The following PRUNE2 variants were observed in gnomAD, a reference collection of about 807,000 sequenced individuals.
PRUNE2 encodes the protein protein prune homolog 2.
Under a neutral mutation model 252.0 loss-of-function variants are expected in PRUNE2, and 164 were observed. That is an observed-to-expected ratio of 0.65 (90% CI 0.57 to 0.74). The LOEUF is 0.74. Ranked by LOEUF, PRUNE2 falls within the 30% of genes least tolerant of loss-of-function variation. The pLI is 0.00. For missense variants in PRUNE2, 3,495 were observed against 3,711.0 expected, an observed-to-expected ratio of 0.94 and a Z score of 1.51; for synonymous variants, 1,292 against 1,350.2, an observed-to-expected ratio of 0.96 and a Z score of 0.94.
intron 15 of PRUNE2, among the ~76,000 whole-genome samples, chr9:76,631,127 G>A (rs1323308325): frequency 1.3e-5 from 2 of 152,098 alleles, no homozygotes; most frequent in African/African-American, 2.4e-5. Context: ...ATAAGTCTTG[G>A]GTCAACACAC....
At chr9:76,888,413 C>A (rs1179534906) in intron 1 of PRUNE2, among the ~76,000 whole-genome samples, 4 of 152,026 alleles carry the variant, frequency 2.6e-5, no homozygotes, top group Non-Finnish European at 5.9e-5. Context: ...CTTGTCTTTA[C>A]TAAAAATACA....
intron 1 of PRUNE2, among the ~76,000 whole-genome samples, chr9:76,894,594 G>C (rs1202834837): frequency 1.7e-4 from 26 of 152,058 alleles, no homozygotes; most frequent in Admixed American, 1.7e-3. Flanking sequence ...ATGTGTCTGA[G>C]GAATGTAAAG....
intron 6 of PRUNE2, among the ~76,000 whole-genome samples, chr9:76,765,988 C>T (rs1160691501): frequency 1.3e-5 from 2 of 151,982 alleles, no homozygotes; most frequent in African/African-American, 4.8e-5. Flanking sequence ...TGAGACCATC[C>T]TGGCCAACAT....
intron 6 of PRUNE2, among the ~76,000 whole-genome samples, chr9:76,768,125 T>C (rs1227657551): frequency 6.6e-6 from 1 of 152,054 alleles, no homozygotes; most frequent in African/African-American, 2.4e-5. Flanking sequence ...GAGGATCACA[T>C]AAGTCTAATT....
intron 6 of PRUNE2, 86 bp from the exon 7 acceptor site, chr9:76,713,807 G>T: frequency 1.2e-6 from 1 of 824,972 alleles, no homozygotes; most frequent in Non-Finnish European, 1.8e-6. Flanking sequence ...GTCTTATGAT[G>T]TATTTAGGAG....
intron 1 of PRUNE2, among the ~76,000 whole-genome samples, chr9:76,894,166 T>C (rs1388946287): frequency 6.6e-6 from 1 of 152,148 alleles, no homozygotes; most frequent in Non-Finnish European, 1.5e-5. Context: ...AAGTTGTAAA[T>C]TAATCCACAA....
intron 6 of PRUNE2, among the ~76,000 whole-genome samples, chr9:76,795,551 G>C (rs778264976): frequency 9.4e-5 from 14 of 149,376 alleles, no homozygotes; most frequent in South Asian, 6.2e-4. Context: ...TAGCCCCTGG[G>C]GGGGAGCATG....
intron 9 of PRUNE2, 116 bp from the exon 10 acceptor site, chr9:76,655,618 T>A (rs779991825): frequency 1.2e-4 from 89 of 758,694 alleles, no homozygotes; most frequent in South Asian, 1.8e-4. Context: ...AAATAAACCA[T>A]GTATGGGGAC....
intron 4 of PRUNE2, among the ~76,000 whole-genome samples, chr9:76,827,094 A>G (rs1261131301): frequency 6.6e-6 from 1 of 152,218 alleles, no homozygotes; most frequent in East Asian, 1.9e-4. Flanking sequence ...TAAACTATTT[A>G]AAAGTCTAAT....
chr9:76,711,287 C>T lies in PRUNE2; in HGVS notation c.987G>A (p.Glu329=), dbSNP rs1564126687. ...GGTCCTCTTGTTGGTACACCAGGAT[C>T]TCATCACAGCCACAGTCAAAGGGCT... ...ELEPFDCGCD[E]ILVYQQEDPS... The change falls in exon 8 of 19, where the codon GAG becomes GAA. Residue 329 remains glutamate, a synonymous_variant. Transcript: ENST00000376718. 1 of 1,613,882 alleles carries T rather than the reference C, an allele frequency of 6.2e-7. No homozygotes were observed. Among genetic ancestry groups the T allele is most frequent in the Non-Finnish European group, 8.5e-7 (1 of 1,179,866 alleles).
chr9:76,655,671 T>C (rs1411609954), intron 9 of PRUNE2, among the ~76,000 whole-genome samples, 169 bp from the exon 10 acceptor site: 2 of 152,164 alleles, frequency 1.3e-5, no homozygotes, highest in African/African-American at 4.8e-5. Context: ...CTTTCTGCAG[T>C]TATGGTAAAT....
intron 9 of PRUNE2, among the ~76,000 whole-genome samples, chr9:76,684,414 C>G (rs1004311977): frequency 2.6e-5 from 4 of 152,152 alleles, no homozygotes; most frequent in Non-Finnish European, 4.4e-5. Context: ...CAGCTGCAGA[C>G]TCAACCCCAG....
intron 9 of PRUNE2, among the ~76,000 whole-genome samples, chr9:76,691,476 T>C (rs755695287): frequency 6.6e-6 from 1 of 152,252 alleles, no homozygotes; most frequent in Non-Finnish European, 1.5e-5. Context: ...CAGTAGAGTA[T>C]TCTTTCTTGA....
intron 1 of PRUNE2, among the ~76,000 whole-genome samples, chr9:76,894,783 G>A (rs1221412090): frequency 2.0e-5 from 3 of 149,956 alleles, no homozygotes; most frequent in African/African-American, 5.0e-5. Context: ...ACTTTGGGAG[G>A]CTGAGGTGGG....
chr9:76,696,245 C>A (rs2045370861), intron 9 of PRUNE2, among the ~76,000 whole-genome samples: 1 of 152,136 alleles, frequency 6.6e-6, no homozygotes, highest in Non-Finnish European at 1.5e-5. Context: ...AACTGATCCT[C>A]CAATGTACTG....
chr9:76,850,218 C>T (rs914251766), intron 3 of PRUNE2, among the ~76,000 whole-genome samples: 1 of 152,036 alleles, frequency 6.6e-6, no homozygotes, highest in East Asian at 1.9e-4. Flanking sequence ...AGCTCATTTT[C>T]GTATTTTTAG....
rs376721986 is a variant in PRUNE2 at position 76,854,064 on chromosome 9, T to G, written c.141+40A>C. On this transcript the variant is annotated intron_variant, in intron 2 of 18. Transcript: ENST00000376718. Reference sequence around the variant, plus strand: ...ATGTTTATTCTTAAAAGTTACATAATAATTCAAAATATAAGGAGTATTACC... The same window carrying G: ...ATGTTTATTCTTAAAAGTTACATAAGAATTCAAAATATAAGGAGTATTACC... 1.6e-5 allele frequency: 16 copies of G among 976,404 alleles called. No homozygotes were observed. The South Asian group carries it at 2.2e-4, about 13-fold the overall frequency. The allele number at this position is 976,404 out of a possible 1,614,324, so 60.5% of individuals were successfully genotyped here.
rs746136790 is a variant in PRUNE2 at position 76,705,756 on chromosome 9, T to A, written c.6518A>T (p.Tyr2173Phe). 1 of 1,614,032 alleles carries A rather than the reference T, an allele frequency of 6.2e-7. No individual in the cohort carries two copies. The highest frequency in any genetic ancestry group is 8.5e-7 in the Non-Finnish European group (1 of 1,179,884). Reference protein sequence around the residue: ...ENATVLPPIGYQADIKGSSQP... With the variant: ...ENATVLPPIGFQADIKGSSQP... ...AGAGGAGCCCTTTATGTCTGCTTGA[T>A]AGCCAATTGGAGGCAGCACAGTTGC... The change falls in exon 8 of 19, where the codon TAT becomes TTT. Residue 2173 changes from tyrosine (Y) to phenylalanine (F), a missense_variant. Physicochemically the swap from Tyr to Phe is conservative, Grantham distance 22. Transcript: ENST00000376718.
At chr9:76,661,808 G>C (rs1186356784) in intron 9 of PRUNE2, among the ~76,000 whole-genome samples, 1 of 151,758 alleles carries the variant, frequency 6.6e-6, no homozygotes, top group East Asian at 1.9e-4. Context: ...ATAAGAATAT[G>C]GCAGATCTGA....
Sources: allele counts gnomAD v4.1 joint callset (sites outside exome capture counted in the v4.1 genomes callset), GRCh38; gene constraint gnomAD v4.1.1; transcripts MANE v1.5; gene names NCBI Gene and HGNC (gene_info 2026-07-23, HGNC 2026-07-21).